The following BLOC1S5 variants were observed in gnomAD, a reference collection of about 807,000 sequenced individuals.
BLOC1S5 encodes biogenesis of lysosome-related organelles complex 1 subunit 5.
BLOC1S5 carries 27 observed loss-of-function variants against 24.3 expected under a neutral mutation model. The observed-to-expected ratio is 1.11, with a 90% CI of 0.82 to 1.53. BLOC1S5 has a LOEUF of 1.53. Among genes scored for constraint, BLOC1S5 ranks in the 40% most tolerant of loss-of-function variants. BLOC1S5 has a pLI of 0.00. For missense variants in BLOC1S5, 239 were observed against 229.4 expected, an observed-to-expected ratio of 1.04 and a Z score of -0.27; for synonymous variants, 84 against 74.5, an observed-to-expected ratio of 1.13 and a Z score of -0.66.
At position 8,030,880 on chromosome 6, in the gene BLOC1S5, A is replaced by G. The variant is rs184754216; in HGVS notation, c.326-4455T>C. 1.5e-3 allele frequency among the ~76,000 whole-genome samples: 231 copies of G among 151,706 alleles called. 1 individual carries two copies. Among genetic ancestry groups the G allele is most frequent in the Middle Eastern group, 6.8e-3 (2 of 292 alleles). ...GACCAACAGTCAAAAAAAAAAAATCACATGATCATCTCAATACACTCAGAA... is the reference window on the plus strand; with the variant it reads ...GACCAACAGTCAAAAAAAAAAAATCGCATGATCATCTCAATACACTCAGAA... On this transcript the variant is annotated intron_variant, in intron 3 of 4. Transcript: ENST00000397457.
At chr6:8,032,741 C>T (rs916821466) in intron 3 of BLOC1S5, among the ~76,000 whole-genome samples, 1 of 152,050 alleles carries the variant, frequency 6.6e-6, no homozygotes, top group African/African-American at 2.4e-5. Flanking sequence ...TCGTCTCAGC[C>T]CAAAATCTCC....
chr6:8,040,070 C>A (rs1206379171), intron 3 of BLOC1S5, among the ~76,000 whole-genome samples: 1 of 152,086 alleles, frequency 6.6e-6, no homozygotes, highest in Non-Finnish European at 1.5e-5. Flanking sequence ...AAGTGATAAT[C>A]CAGGAATAAA....
Position 8,062,442 on chromosome 6 carries a change from A to C in BLOC1S5, c.195+92T>G, listed in dbSNP as rs150685705. 3.0e-4 allele frequency: 241 copies of C among 796,972 alleles called. 1 individual carries two copies. The East Asian group carries it at 6.7e-3, about 22-fold the overall frequency. 49.4% of individuals were successfully genotyped at this position (796,972 alleles called of 1,614,324 possible). ...TATATTTTATGAACACATGAACTAA[A>C]ATCCGATTTTAAAACTGGGGAATTT... On this transcript the variant is annotated intron_variant, in intron 2 of 4. Transcript: ENST00000397457.
intron 2 of BLOC1S5, among the ~76,000 whole-genome samples, chr6:8,060,301 T>C (rs12663430): frequency 0.062 from 9,446 of 152,192 alleles, 513 homozygotes; most frequent in East Asian, 0.19. Flanking sequence ...AAGGAAGAAT[T>C]GTGGCTGAAA....
intron 4 of BLOC1S5, among the ~76,000 whole-genome samples, chr6:8,020,654 T>C (rs1370624106): frequency 2.6e-5 from 4 of 152,148 alleles, no homozygotes; most frequent in Admixed American, 2.0e-4. Context: ...ATTGTACCCA[T>C]GTAGGGGAAG....
At chr6:8,050,870 G>T (rs1288875900) in intron 2 of BLOC1S5, among the ~76,000 whole-genome samples, 2 of 152,036 alleles carry the variant, frequency 1.3e-5, no homozygotes, top group East Asian at 2.0e-4. Context: ...CTCCCAAAGT[G>T]CTGGGATTAC....
chr6:8,016,217 T>G (rs1762728253), intron 4 of BLOC1S5, among the ~76,000 whole-genome samples: 1 of 152,030 alleles, frequency 6.6e-6, no homozygotes, highest in Admixed American at 6.6e-5. Flanking sequence ...TTCCAGCTAC[T>G]CGGGAGGCTG....
At chr6:8,034,989 A>G (rs1388480081) in intron 3 of BLOC1S5, among the ~76,000 whole-genome samples, 1 of 152,084 alleles carries the variant, frequency 6.6e-6, no homozygotes, top group African/African-American at 2.4e-5. Context: ...ATATACACAC[A>G]CACCATGGAA....
intron 2 of BLOC1S5, among the ~76,000 whole-genome samples, chr6:8,060,627 G>C (rs941905327): frequency 6.6e-6 from 1 of 152,270 alleles, no homozygotes; most frequent in African/African-American, 2.4e-5. Context: ...TAAGTAGAAA[G>C]ATTTAAGATA....
At chr6:8,063,016 C>T (rs1208779679) in intron 1 of BLOC1S5, among the ~76,000 whole-genome samples, 1 of 152,006 alleles carries the variant, frequency 6.6e-6, no homozygotes, top group African/African-American at 2.4e-5. Context: ...ATCAGAGTTA[C>T]ACTTATCAAC....
At chr6:8,047,915 G>T (rs1763961909) in intron 2 of BLOC1S5, among the ~76,000 whole-genome samples, 1 of 152,162 alleles carries the variant, frequency 6.6e-6, no homozygotes, top group South Asian at 2.1e-4. Context: ...TGGTTACTCT[G>T]AGTAATGTTC....
chr6:8,021,554 G>A (rs1176289166), intron 4 of BLOC1S5, among the ~76,000 whole-genome samples: 1 of 151,990 alleles, frequency 6.6e-6, no homozygotes, highest in African/African-American at 2.4e-5. Context: ...AGCCGAGATC[G>A]CACCACTGCA....
chr6:8,053,679 C>A (rs1231418223), intron 2 of BLOC1S5, among the ~76,000 whole-genome samples: 2 of 152,134 alleles, frequency 1.3e-5, no homozygotes, highest in African/African-American at 4.8e-5. Context: ...TGTAACCAAA[C>A]CCACAATATT....
chr6:8,024,928 C>T (rs1401287085), intron 4 of BLOC1S5, among the ~76,000 whole-genome samples: 1 of 152,152 alleles, frequency 6.6e-6, no homozygotes, highest in African/African-American at 2.4e-5. Context: ...GGAAGCAACA[C>T]CAGACATAAA....
intron 4 of BLOC1S5, among the ~76,000 whole-genome samples, chr6:8,021,309 G>C (rs1762909441): frequency 6.6e-6 from 1 of 152,146 alleles, no homozygotes; most frequent in Admixed American, 6.5e-5. Context: ...ATATGAACGA[G>C]TTCTGTGGGC....
intron 3 of BLOC1S5, among the ~76,000 whole-genome samples, chr6:8,028,907 TAA>T (rs34211010): frequency 0.16 from 23,714 of 151,928 alleles, 1,904 homozygotes; most frequent in Admixed American, 0.19. Flanking sequence ...TTACTGGTTG[TAA>T]CTCAGTACGA....
intron 2 of BLOC1S5, among the ~76,000 whole-genome samples, chr6:8,044,886 T>A (rs539284989): frequency 1.3e-5 from 2 of 152,098 alleles, no homozygotes; most frequent in Non-Finnish European, 2.9e-5. Context: ...AAGCGGAGCA[T>A]AAAAGTTTGG....
At chr6:8,041,898 G>C (rs535897789) in intron 2 of BLOC1S5, 1 of 151,482 alleles carries the variant, frequency 6.6e-6, no homozygotes, top group Admixed American at 6.6e-5. Context: ...CACCCGCCTC[G>C]GCCTCCCAAA....
intron 2 of BLOC1S5, among the ~76,000 whole-genome samples, chr6:8,053,753 T>C (rs1206458999): frequency 1.3e-5 from 2 of 152,208 alleles, no homozygotes; most frequent in African/African-American, 4.8e-5. Flanking sequence ...AAACGTGATA[T>C]AGACTTTTCT....
Sources: gnomAD v4.1 joint callset for allele counts (sites outside exome capture counted in the v4.1 genomes callset) on GRCh38, gnomAD v4.1.1 for gene constraint, MANE v1.5 for transcripts, NCBI Gene and HGNC (gene_info 2026-07-23, HGNC 2026-07-21) for gene names.